TSC22D1: variants seen among roughly 807,000 people sequenced by gnomAD.
TSC22D1 encodes the protein TSC22 domain family member 1.
Under a neutral mutation model 74.2 loss-of-function variants are expected in TSC22D1, and 9 were observed. The ratio of observed to expected loss-of-function variants is 0.12; its 90% CI spans 0.07 to 0.21. TSC22D1 has a LOEUF of 0.21. TSC22D1 is among the 10% of genes least tolerant of loss of function. The probability of loss-of-function intolerance (pLI) is 1.00; values close to 1 mark genes in which losing one functional copy is unlikely to be tolerated. For synonymous variants in TSC22D1, 586 were observed against 492.5 expected (o/e 1.19, Z -2.51); for missense variants, 1,427 against 1,304.7 (o/e 1.09, Z -1.44).
intron 1 of TSC22D1, among the ~76,000 whole-genome samples, chr13:44,443,064 G>A (rs1347283789): frequency 2.0e-5 from 3 of 148,064 alleles, no homozygotes; most frequent in Non-Finnish European, 4.5e-5. Flanking sequence ...AAGAAATAAC[G>A]GTAATTTTCC....
At chr13:44,436,795 C>A (rs1046117156) in intron 1 of TSC22D1, 1 of 1,429,572 alleles carries the variant, frequency 7.0e-7, no homozygotes, top group Non-Finnish European at 9.1e-7. Context: ...CAGGCAGATG[C>A]GGATCCCAGT....
intron 1 of TSC22D1, among the ~76,000 whole-genome samples, chr13:44,567,159 T>G (rs956498402): frequency 1.3e-5 from 2 of 152,192 alleles, no homozygotes; most frequent in African/African-American, 4.8e-5. Flanking sequence ...CCAAAACCTT[T>G]CATTCCACAT....
chr13:44,443,449 G>T (rs1875369669), intron 1 of TSC22D1, among the ~76,000 whole-genome samples: 1 of 152,124 alleles, frequency 6.6e-6, no homozygotes, highest in South Asian at 2.1e-4. Context: ...GAAGGAAAAT[G>T]ATACCAGATG....
At chr13:44,449,480 C>T (rs9595127) in intron 1 of TSC22D1, among the ~76,000 whole-genome samples, 2,382 of 152,284 alleles carry the variant, frequency 0.016, 57 homozygotes, top group African/African-American at 0.054. Context: ...AGGCAGGCTG[C>T]GTCCCCAAGG....
rs1882570620 is a variant in TSC22D1, at chr13:44,555,409, G to A, written c.2912+17754C>T. ...GGATCACCTGACCTCAGGAATTTGA[G>A]ACCAGACTGGCCAACAGTGAACTCT... On this transcript the variant is annotated intron_variant, in intron 1 of 2. Transcript: ENST00000458659. Among the ~76,000 whole-genome samples, 4 of 152,162 alleles carry A rather than the reference G, an allele frequency of 2.6e-5. No individual in the cohort carries two copies. The South Asian group carries it at 6.2e-4, about 24-fold the overall frequency.
At chr13:44,538,620 T>TAAAATTCC in intron 1 of TSC22D1, 2 of 985,392 alleles carry the variant, frequency 2.0e-6, no homozygotes, top group Non-Finnish European at 2.4e-6. Flanking sequence ...CATGGCCATG[T>TAAAATTCC]AAAATTCCAA....
At chr13:44,553,446 C>A (rs1882421685) in intron 1 of TSC22D1, among the ~76,000 whole-genome samples, 1 of 151,864 alleles carries the variant, frequency 6.6e-6, no homozygotes. Context: ...ACTTAAAAAA[C>A]CAGATATTGA....
intron 1 of TSC22D1, among the ~76,000 whole-genome samples, chr13:44,547,849 G>A (rs1881931619): frequency 1.3e-5 from 2 of 152,112 alleles, no homozygotes; most frequent in South Asian, 4.1e-4. Flanking sequence ...CTAGTTACGG[G>A]TACAATCACG....
chr13:44,536,828 G>C (rs1881153138), intron 1 of TSC22D1: 1 of 980,862 alleles, frequency 1.0e-6, no homozygotes, highest in Non-Finnish European at 1.2e-6. Context: ...ATGCTAATCA[G>C]GAAAATGCAA....
intron 1 of TSC22D1, among the ~76,000 whole-genome samples, chr13:44,437,829 T>A (rs751599375): frequency 2.0e-4 from 30 of 152,220 alleles, no homozygotes; most frequent in Non-Finnish European, 3.8e-4. Flanking sequence ...GAAGTTAGTC[T>A]CTGCCCATTT....
At chr13:44,557,307 A>G (rs1882716888) in intron 1 of TSC22D1, among the ~76,000 whole-genome samples, 2 of 143,824 alleles carry the variant, frequency 1.4e-5, no homozygotes, top group Admixed American at 1.4e-4. Flanking sequence ...CTAAAAATAC[A>G]AAAATTAGCT....
At chr13:44,530,170 G>T (rs1309886317) in intron 1 of TSC22D1, among the ~76,000 whole-genome samples, 1 of 152,084 alleles carries the variant, frequency 6.6e-6, no homozygotes, top group South Asian at 2.1e-4. Context: ...TTAGTAAAAA[G>T]CTTCAGTATT....
chr13:44,463,996 TC>T lies in TSC22D1; in HGVS notation c.2913-27902del, dbSNP rs1298911392. 2.0e-5 allele frequency among the ~76,000 whole-genome samples: 3 copies of T among 152,138 alleles called. No individual in the cohort carries two copies. The East Asian group carries it at 5.8e-4, about 29-fold the overall frequency. On this transcript the variant is annotated intron_variant, in intron 1 of 2. Transcript: ENST00000458659. ...TGTGAGTGAGCTGTCTTAGGATGGA[TC>T]TTCCGGCCCCAGTGTCAAGTCTTGG...
chr13:44,490,521 A>G (rs1047859432), intron 1 of TSC22D1, among the ~76,000 whole-genome samples: 11 of 152,170 alleles, frequency 7.2e-5, no homozygotes, highest in African/African-American at 2.4e-4. Flanking sequence ...AAAAAAATCA[A>G]TATTTTAGAA....
intron 1 of TSC22D1, among the ~76,000 whole-genome samples, chr13:44,552,970 A>G (rs1817513885): frequency 6.6e-6 from 1 of 152,204 alleles, no homozygotes; most frequent in South Asian, 2.1e-4. Context: ...CCTGGGCGAC[A>G]TAGCGCGACT....
At chr13:44,566,814 A>G (rs1262327149) in intron 1 of TSC22D1, among the ~76,000 whole-genome samples, 1 of 152,218 alleles carries the variant, frequency 6.6e-6, no homozygotes, top group African/African-American at 2.4e-5. Flanking sequence ...CAAACACTAG[A>G]AAATCAAAGC....
At chr13:44,533,784 CA>C (rs771848150) in intron 1 of TSC22D1, among the ~76,000 whole-genome samples, 1 of 151,806 alleles carries the variant, frequency 6.6e-6, no homozygotes, top group Non-Finnish European at 1.5e-5. Flanking sequence ...CTCTTGTCTC[CA>C]GAACAAACAA....
intron 1 of TSC22D1, among the ~76,000 whole-genome samples, chr13:44,473,498 A>C (rs1295089575): frequency 6.6e-6 from 1 of 152,138 alleles, no homozygotes; most frequent in Non-Finnish European, 1.5e-5. Flanking sequence ...CCTGACTCTA[A>C]AAATAAAAAA....
chr13:44,496,476 A>C (rs1181775524), intron 1 of TSC22D1, among the ~76,000 whole-genome samples: 2 of 152,100 alleles, frequency 1.3e-5, no homozygotes, highest in African/African-American at 4.8e-5. Flanking sequence ...TGAGGGCAGG[A>C]GTTCGAGACC....
Sources: gnomAD v4.1 joint callset for allele counts (sites outside exome capture counted in the v4.1 genomes callset) on GRCh38, gnomAD v4.1.1 for gene constraint, MANE v1.5 for transcripts, NCBI Gene and HGNC (gene_info 2026-07-23, HGNC 2026-07-21) for gene names.